Variants in XYLB observed in about 807,000 individuals in gnomAD.
The protein encoded by XYLB is xylulose kinase.
Under a neutral mutation model 78.7 loss-of-function variants are expected in XYLB, and 62 were observed. The observed-to-expected ratio is 0.79, with a 90% CI of 0.64 to 0.97. The LOEUF (loss-of-function observed/expected upper bound fraction) is 0.97. Among genes scored for constraint, XYLB ranks in the 50% least tolerant of loss-of-function variants. The probability of loss-of-function intolerance (pLI) is 0.00; values close to 1 mark genes in which losing one functional copy is unlikely to be tolerated. For synonymous variants in XYLB, 245 were observed against 247.4 expected (o/e 0.99, Z 0.09); for missense variants, 687 against 676.8 (o/e 1.02, Z -0.17).
intron 2 of XYLB, among the ~76,000 whole-genome samples, chr3:38,350,346 C>A (rs1705295183): frequency 6.6e-6 from 1 of 152,214 alleles, no homozygotes. Context: ...ACTAAGCCAT[C>A]AAATGTGTGG....
the XYLB span, among the ~76,000 whole-genome samples, chr3:38,430,990 A>C: frequency 6.6e-6 from 1 of 152,200 alleles, no homozygotes; most frequent in Non-Finnish European, 1.5e-5. Flanking sequence ...AGGTAGCATG[A>C]TGCCTCCAGC....
intron 15 of XYLB, among the ~76,000 whole-genome samples, chr3:38,379,668 C>A (rs573883086): frequency 7.2e-5 from 11 of 152,194 alleles, no homozygotes; most frequent in Non-Finnish European, 1.0e-4. Flanking sequence ...GAGCTCTGGA[C>A]TGCAAAGACA....
At chr3:38,393,158 T>C (rs1019610188) in intron 15 of XYLB, among the ~76,000 whole-genome samples, 1 of 152,014 alleles carries the variant, frequency 6.6e-6, no homozygotes, top group African/African-American at 2.4e-5. Flanking sequence ...ATTTTTTTTT[T>C]CCTTTTTTTG....
intron 18 of XYLB, among the ~76,000 whole-genome samples, chr3:38,401,258 G>T (rs1183778432): frequency 1.3e-5 from 2 of 151,774 alleles, no homozygotes; most frequent in African/African-American, 4.8e-5. Flanking sequence ...CATGTCACTG[G>T]GCTATAAAAG....
intron 18 of XYLB, among the ~76,000 whole-genome samples, chr3:38,411,150 A>C (rs1311293654): frequency 6.6e-6 from 1 of 152,224 alleles, no homozygotes; most frequent in Non-Finnish European, 1.5e-5. Flanking sequence ...ACAATGATAG[A>C]CTAGATTAAG....
chr3:38,349,215 A>G (rs1445549736), intron 2 of XYLB, among the ~76,000 whole-genome samples: 1 of 152,246 alleles, frequency 6.6e-6, no homozygotes, highest in Admixed American at 6.5e-5. Context: ...AAGAAAGAGC[A>G]TGGTTCATTC....
downstream of XYLB, among the ~76,000 whole-genome samples, chr3:38,416,234 G>T (rs1708789331): frequency 3.3e-5 from 5 of 152,164 alleles, no homozygotes; most frequent in African/African-American, 9.7e-5. Flanking sequence ...AGAACTCCTT[G>T]TTGCTTAGGC....
chr3:38,414,948 A>G lies in XYLB; in HGVS notation c.*1935A>G, dbSNP rs1708738098. The G allele has an allele frequency of 6.6e-6, 1 of 152,206 alleles. No homozygotes were observed. The highest frequency in any genetic ancestry group is 6.5e-5 in the Admixed American group (1 of 15,286). 9.4% of individuals were successfully genotyped at this position (152,206 alleles called of 1,614,324 possible). ...TTAATATTTAAAATTCAAATATTAAAACTCAAATAAACCCCAAAGAACTTT... is the reference window on the plus strand; with the variant it reads ...TTAATATTTAAAATTCAAATATTAAGACTCAAATAAACCCCAAAGAACTTT... On this transcript the variant is annotated 3_prime_UTR_variant, in exon 19 of 19. Coordinates refer to ENST00000207870, the MANE Select transcript of XYLB (RefSeq NM_005108.4).
intron 18 of XYLB, among the ~76,000 whole-genome samples, chr3:38,407,257 C>G (rs1190916198): frequency 6.7e-6 from 1 of 149,694 alleles, no homozygotes; most frequent in Non-Finnish European, 1.5e-5. Context: ...GAATTTTCAA[C>G]CCAGAATTTC....
downstream of XYLB, among the ~76,000 whole-genome samples, chr3:38,415,447 A>T (rs1708755642): frequency 6.6e-6 from 1 of 152,168 alleles, no homozygotes; most frequent in South Asian, 2.1e-4. Flanking sequence ...AAGTGGGGAT[A>T]AGGGTGGAAG....
chr3:38,363,316 A>G (rs1489380164), intron 4 of XYLB, among the ~76,000 whole-genome samples: 1 of 152,232 alleles, frequency 6.6e-6, no homozygotes, highest in Non-Finnish European at 1.5e-5. Context: ...TGAATTTATT[A>G]TGACTGCTTG....
At chr3:38,427,588 G>GCTTTT in the XYLB span, among the ~76,000 whole-genome samples, 4 of 151,656 alleles carry the variant, frequency 2.6e-5, no homozygotes, top group Non-Finnish European at 4.4e-5. Flanking sequence ...GCTTTTCCTA[G>GCTTTT]CTTTTCTTTT....
At chr3:38,406,110 C>T (rs1315745951) in intron 18 of XYLB, among the ~76,000 whole-genome samples, 1 of 152,216 alleles carries the variant, frequency 6.6e-6, no homozygotes, top group Non-Finnish European at 1.5e-5. Flanking sequence ...CCCTGACCCC[C>T]GAGCAGCCTA....
At chr3:38,358,621 G>C (rs927071545) in intron 2 of XYLB, among the ~76,000 whole-genome samples, 1 of 152,002 alleles carries the variant, frequency 6.6e-6, no homozygotes, top group Non-Finnish European at 1.5e-5. Flanking sequence ...TGGGATTATA[G>C]GTATGAGCCA....
intron 15 of XYLB, among the ~76,000 whole-genome samples, chr3:38,384,061 T>C (rs1707272392): frequency 6.6e-6 from 1 of 151,978 alleles, no homozygotes; most frequent in African/African-American, 2.4e-5. Flanking sequence ...GTTTTCTTTG[T>C]TTTGTTTTGT....
In XYLB at chr3:38,367,764, C is replaced by T. The variant is rs963301631; in HGVS notation, c.574-421C>T. Among the ~76,000 whole-genome samples, 7 of 152,156 alleles carry T rather than the reference C, an allele frequency of 4.6e-5. No homozygotes were observed. In the East Asian group the frequency reaches 5.8e-4, roughly 13 times the overall value. On this transcript the variant is annotated intron_variant, in intron 7 of 18. Coordinates refer to ENST00000207870, the MANE Select transcript of XYLB (RefSeq NM_005108.4). ...TTCTGAGGAGCCAGCTTTCCTGACG[C>T]CCTGAGAGTGTCCTGGTTGGTTCTG...
At chr3:38,389,160 T>C (rs1707533169) in intron 15 of XYLB, among the ~76,000 whole-genome samples, 1 of 147,108 alleles carries the variant, frequency 6.8e-6, no homozygotes, top group East Asian at 2.0e-4. Flanking sequence ...ACGAGCATGC[T>C]GCCTTCAAGC....
chr3:38,427,625 A>G, the XYLB span, among the ~76,000 whole-genome samples: 100,546 of 151,812 alleles, frequency 0.66, 33,370 homozygotes, highest in Middle Eastern at 0.72. Context: ...ACAGAATCTC[A>G]TTCTGTATTC....
the XYLB span, among the ~76,000 whole-genome samples, chr3:38,446,209 T>A: frequency 6.6e-6 from 1 of 152,172 alleles, no homozygotes; most frequent in East Asian, 1.9e-4. Context: ...AGTGTGCTGA[T>A]TGCCAGATTA....
Sources: gnomAD v4.1 joint callset for allele counts (sites outside exome capture counted in the v4.1 genomes callset) on GRCh38, gnomAD v4.1.1 for gene constraint, MANE v1.5 for transcripts, NCBI Gene and HGNC (gene_info 2026-07-23, HGNC 2026-07-21) for gene names.